GRM8: variants seen among roughly 807,000 people sequenced by gnomAD.
The protein encoded by GRM8 is glutamate metabotropic receptor 8.
Under a neutral mutation model 87.2 loss-of-function variants are expected in GRM8, and 47 were observed. That is an observed-to-expected ratio of 0.54 (90% CI 0.43 to 0.69). The LOEUF (loss-of-function observed/expected upper bound fraction) is 0.69. Among genes scored for constraint, GRM8 ranks in the 30% least tolerant of loss-of-function variants. The pLI, the probability that GRM8 is intolerant of heterozygous loss-of-function variation, is 0.00. For synonymous variants in GRM8, 396 were observed against 404.5 expected, an observed-to-expected ratio of 0.98 and a Z score of 0.25; for missense variants, 1,019 against 1,139.2, an observed-to-expected ratio of 0.89 and a Z score of 1.52.
chr7:126,693,083 C>T (rs189082643), intron 7 of GRM8, among the ~76,000 whole-genome samples: 1 of 152,278 alleles, frequency 6.6e-6, no homozygotes, highest in East Asian at 1.9e-4. Context: ...TCAAACTTCA[C>T]TAAGATTAAC....
intron 7 of GRM8, among the ~76,000 whole-genome samples, chr7:126,763,817 C>T (rs1817888064): frequency 6.6e-6 from 1 of 151,802 alleles, no homozygotes; most frequent in South Asian, 2.1e-4. Flanking sequence ...GGAATTATAA[C>T]ATGCCTGAAT....
intron 8 of GRM8, among the ~76,000 whole-genome samples, chr7:126,581,281 A>T (rs1189520658): frequency 6.6e-6 from 1 of 152,198 alleles, no homozygotes; most frequent in Non-Finnish European, 1.5e-5. Context: ...CCAAAAGGGT[A>T]GCAGAATGGT....
At chr7:126,563,137 G>T (rs41463444) in intron 8 of GRM8, among the ~76,000 whole-genome samples, 19,519 of 152,036 alleles carry the variant, frequency 0.13, 1,558 homozygotes, top group South Asian at 0.17. Flanking sequence ...ATGTTACACT[G>T]CACTTAGGCA....
chr7:126,717,747 T>A (rs1811910998), intron 7 of GRM8, among the ~76,000 whole-genome samples: 1 of 152,168 alleles, frequency 6.6e-6, no homozygotes, highest in Admixed American at 6.5e-5. Context: ...CTCAAAATTA[T>A]AACAGGACTT....
intron 9 of GRM8, among the ~76,000 whole-genome samples, chr7:126,496,592 T>C (rs959255152): frequency 2.0e-5 from 3 of 152,126 alleles, no homozygotes; most frequent in African/African-American, 4.8e-5. Flanking sequence ...ACTGGAACCA[T>C]GTTTTTTGCC....
chr7:126,950,660 CT>C (rs1346879396), intron 3 of GRM8, among the ~76,000 whole-genome samples: 1 of 152,064 alleles, frequency 6.6e-6, no homozygotes, highest in Non-Finnish European at 1.5e-5. Flanking sequence ...CCAGTTTTAG[CT>C]TCCATGTTCC....
intron 2 of GRM8, among the ~76,000 whole-genome samples, chr7:127,162,345 T>C (rs981607298): frequency 6.6e-6 from 1 of 152,172 alleles, no homozygotes; most frequent in African/African-American, 2.4e-5. Context: ...CCACCGCCTC[T>C]CTCTCACCCA....
chr7:126,787,463 C>T (rs189905774), intron 6 of GRM8, among the ~76,000 whole-genome samples: 1 of 152,170 alleles, frequency 6.6e-6, no homozygotes, highest in East Asian at 1.9e-4. Flanking sequence ...ACTCATTTAC[C>T]CTTAAAACAA....
chr7:126,973,213 C>A, intron 3 of GRM8, among the ~76,000 whole-genome samples: 1 of 152,142 alleles, frequency 6.6e-6, no homozygotes, highest in East Asian at 1.9e-4. Context: ...GCAGTAGGGC[C>A]CCAAAATTTG....
At position 126,837,808 on chromosome 7, in the gene GRM8, C is replaced by G. The variant is rs548326308; in HGVS notation, c.1156+64734G>C. Among the ~76,000 whole-genome samples, 41 of 152,308 alleles carry G rather than the reference C, an allele frequency of 2.7e-4. No individual in the cohort carries two copies. In the East Asian group the frequency reaches 6.7e-3, roughly 25 times the overall value. Reference sequence around the variant, plus strand: ...GGTATTGCAACAAAGTCAAGTGATTCAATTTACCAGGCAAGGACAAGAAAT... The same window carrying G: ...GGTATTGCAACAAAGTCAAGTGATTGAATTTACCAGGCAAGGACAAGAAAT... On this transcript the variant is annotated intron_variant, in intron 6 of 10. Coordinates refer to ENST00000339582, the MANE Select transcript of GRM8 (RefSeq NM_000845.3).
intron 3 of GRM8, among the ~76,000 whole-genome samples, chr7:126,907,038 T>C (rs1030423251): frequency 4.0e-5 from 6 of 150,224 alleles, no homozygotes; most frequent in African/African-American, 1.5e-4. Context: ...TCAGGCTTAA[T>C]GCAAACTAAA....
rs185740098 is a variant in GRM8, at chr7:126,898,310, T to C, written c.1156+4232A>G. Among the ~76,000 whole-genome samples the C allele has an allele frequency of 3.1e-3, 469 of 152,336 alleles. 5 individuals are homozygous for C. Among genetic ancestry groups the C allele is most frequent in the African/African-American group, 0.011 (449 of 41,580 alleles). On this transcript the variant is annotated intron_variant, in intron 6 of 10. Coordinates refer to ENST00000339582, the MANE Select transcript of GRM8 (RefSeq NM_000845.3). The stretch of plus-strand genomic sequence containing the variant: ...TTGACCACTAACATGCCAGATCATC[T>C]TCCCTTCTCCCCTAAAACAGAAATG...
chr7:126,806,687 T>C (rs1054156686), intron 6 of GRM8, among the ~76,000 whole-genome samples: 2 of 152,252 alleles, frequency 1.3e-5, no homozygotes, highest in Non-Finnish European at 2.9e-5. Flanking sequence ...CGGCTTCACC[T>C]GTCACTGGCA....
At chr7:127,137,593 C>T (rs750205553) in intron 2 of GRM8, among the ~76,000 whole-genome samples, 7 of 152,028 alleles carry the variant, frequency 4.6e-5, no homozygotes, top group East Asian at 1.9e-4. Flanking sequence ...TTTAAACTTA[C>T]GTAGGTTACT....
intron 6 of GRM8, among the ~76,000 whole-genome samples, chr7:126,845,006 C>A (rs1398811723): frequency 6.6e-6 from 1 of 152,170 alleles, no homozygotes; most frequent in African/African-American, 2.4e-5. Context: ...AGGATTTGCA[C>A]CCTAATTGCC....
chr7:127,149,187 G>C (rs1049611481), intron 2 of GRM8, among the ~76,000 whole-genome samples: 1 of 151,968 alleles, frequency 6.6e-6, no homozygotes, highest in Non-Finnish European at 1.5e-5. Flanking sequence ...CTGATAAGGA[G>C]TTAATATCTA....
chr7:126,701,083 A>G (rs1451823757), intron 7 of GRM8, among the ~76,000 whole-genome samples: 1 of 152,066 alleles, frequency 6.6e-6, no homozygotes. Context: ...ATTACCAAGC[A>G]CTTACAGTAC....
At chr7:126,854,448 G>A (rs1797496629) in intron 6 of GRM8, among the ~76,000 whole-genome samples, 1 of 152,102 alleles carries the variant, frequency 6.6e-6, no homozygotes, top group Non-Finnish European at 1.5e-5. Context: ...CACCTGGAAG[G>A]CTTGTTAAAA....
intron 3 of GRM8, among the ~76,000 whole-genome samples, chr7:127,102,444 T>A (rs1431280699): frequency 2.0e-5 from 3 of 152,110 alleles, no homozygotes; most frequent in African/African-American, 4.8e-5. Context: ...ATCACAGCCA[T>A]AGGAGGGAAG....
Sources: gnomAD v4.1 joint callset for allele counts (sites outside exome capture counted in the v4.1 genomes callset) on GRCh38, gnomAD v4.1.1 for gene constraint, MANE v1.5 for transcripts, NCBI Gene and HGNC (gene_info 2026-07-23, HGNC 2026-07-21) for gene names.